The following ACACA variants were observed in gnomAD, a reference collection of about 807,000 sequenced individuals.
ACACA encodes the protein acetyl-CoA carboxylase 1.
Under a neutral mutation model 296.1 loss-of-function variants are expected in ACACA, and 103 were observed. The ratio of observed to expected loss-of-function variants is 0.35; its 90% CI spans 0.30 to 0.41. The LOEUF is 0.41. Among genes scored for constraint, ACACA ranks in the 10% least tolerant of loss-of-function variants. The probability of loss-of-function intolerance (pLI) is 1.00; values close to 1 mark genes in which losing one functional copy is unlikely to be tolerated. For missense variants in ACACA, 1,554 were observed against 2,989.7 expected, an observed-to-expected ratio of 0.52 and a Z score of 11.20; for synonymous variants, 953 against 1,038.6, an observed-to-expected ratio of 0.92 and a Z score of 1.58.
intron 45 of ACACA, among the ~76,000 whole-genome samples, chr17:37,136,267 T>C (rs1410750415): frequency 6.6e-6 from 1 of 152,124 alleles, no homozygotes; most frequent in East Asian, 1.9e-4. Context: ...GTTCCAGTAG[T>C]TTTGCCTTTT....
intron 14 of ACACA, among the ~76,000 whole-genome samples, chr17:37,257,053 G>A (rs1490664781): frequency 3.3e-5 from 5 of 152,024 alleles, no homozygotes; most frequent in African/African-American, 1.2e-4. Context: ...GCAAGCAAAA[G>A]TGCTGTTAAT....
intron 28 of ACACA, 101 bp downstream of exon 28, chr17:37,223,411 C>T: frequency 1.0e-6 from 1 of 967,956 alleles, no homozygotes; most frequent in Middle Eastern, 2.1e-4. Flanking sequence ...AAGAACCAAC[C>T]TTAAGGCCAG....
chr17:37,111,572 C>T lies in ACACA; in HGVS notation c.6524G>A (p.Arg2175His), dbSNP rs145087711. Residue 2175 changes from arginine (R) to histidine (H), a missense_variant, in exon 52 of 56, where the codon CGT becomes CAT. Physicochemically the swap from Arg to His is conservative, Grantham distance 29. This residue lies in a region of ACACA where 553 missense variants were observed against 1,043.6 expected (regional missense o/e 0.53). Coordinates refer to ENST00000616317, the MANE Select transcript of ACACA (RefSeq NM_198834.3). ...FRRKDLVKTM[R>H]RVDPVYIHLA... ...GTGGATGTAGACTGGGTCCACCCGA[C>T]GCATGGTTTTCACCAGATCCTTTCT... 18 of 1,614,024 alleles carry T rather than the reference C, an allele frequency of 1.1e-5. No homozygotes were observed. The highest frequency in any genetic ancestry group is 5.3e-5 in the African/African-American group (4 of 74,904).
At chr17:37,174,778 G>A (rs554985361) in intron 41 of ACACA, among the ~76,000 whole-genome samples, 28 of 152,060 alleles carry the variant, frequency 1.8e-4, no homozygotes, top group African/African-American at 6.0e-4. Flanking sequence ...TGATCTGCCC[G>A]CCTCAGCCTC....
intron 1 of ACACA, among the ~76,000 whole-genome samples, chr17:37,366,746 C>T (rs370969940): frequency 3.3e-4 from 50 of 151,798 alleles, no homozygotes; most frequent in Non-Finnish European, 1.3e-4. Flanking sequence ...GGATTACACA[C>T]GTGAGCCACT....
intron 35 of ACACA, among the ~76,000 whole-genome samples, chr17:37,194,265 ATC>A (rs2077890666): frequency 6.6e-6 from 1 of 152,190 alleles, no homozygotes. Context: ...TCAAACACTT[ATC>A]AGTACAAGGC....
intron 47 of ACACA, 42 bp downstream of exon 47, chr17:37,129,323 C>G (rs1298394497): frequency 1.2e-6 from 2 of 1,612,848 alleles, no homozygotes; most frequent in Non-Finnish European, 1.7e-6. Context: ...ACGCTAAAAG[C>G]TTAAGAGCCA....
rs537669447 is a variant in ACACA at position 37,296,318 on chromosome 17, T to C, written c.339-11348A>G. ...TTTGGAGCCTTTTTTTTTTTTTTTT[T>C]TTTTTGAGACAGAGTCTCGCTCTCT... On this transcript the variant is annotated intron_variant, in intron 3 of 55. Transcript: ENST00000616317. Among the ~76,000 whole-genome samples, 267 of 148,284 alleles carry C rather than the reference T, an allele frequency of 1.8e-3. 1 individual carries two copies. Among genetic ancestry groups the C allele is most frequent in the African/African-American group, 6.3e-3 (254 of 40,028 alleles).
Position 37,263,792 on chromosome 17 carries a change from T to A in ACACA, c.1222A>T (p.Ile408Phe). The A allele has an allele frequency of 6.2e-7, 1 of 1,614,040 alleles. No individual in the cohort carries two copies. The highest frequency in any genetic ancestry group is 8.5e-7 in the Non-Finnish European group (1 of 1,180,004). The change falls in exon 11 of 56, where the codon ATC becomes TTC. Residue 408 changes from isoleucine (I) to phenylalanine (F), a missense_variant. By Grantham distance (21) the Ile-to-Phe change is conservative. Transcript: ENST00000616317. ...GAGCAATCACGACCAAACAAAGAGA[T>A]AGCATTGCCATATTGGTCCGCTAAG... ...QILADQYGNA[I>F]SLFGRDCSVQ... is the part of the protein sequence containing the mutation.
At chr17:37,329,867 G>A (rs1448154652) in intron 3 of ACACA, among the ~76,000 whole-genome samples, 1 of 152,050 alleles carries the variant, frequency 6.6e-6, no homozygotes, top group Non-Finnish European at 1.5e-5. Context: ...CTTGAACCCA[G>A]GAGGCGGAGG....
At position 37,097,401 on chromosome 17, in the gene ACACA, C is replaced by T. The variant is rs565577538; in HGVS notation, c.6721-235G>A. Among the ~76,000 whole-genome samples, 19 of 152,336 alleles carry T rather than the reference C, an allele frequency of 1.2e-4. No homozygotes were observed. The highest frequency in any genetic ancestry group is 3.6e-4 in the African/African-American group (15 of 41,584). On this transcript the variant is annotated intron_variant, in intron 53 of 55. Transcript: ENST00000616317. The surrounding 1 kb of genome is among the most constrained non-coding windows in gnomAD (Gnocchi z 4.8). ...GGGCCTGGCTAATGCTGATCCCACA[C>T]ATGGCTGAGATGTTCTGGGGAAGAG...
At chr17:37,379,009 C>A in intron 1 of ACACA, 1 of 1,158,978 alleles carries the variant, frequency 8.6e-7, no homozygotes, top group Non-Finnish European at 1.2e-6. Context: ...GAGTTTGAGG[C>A]TGGAGTGAGC....
At chr17:37,319,536 T>C (rs143158006) in intron 3 of ACACA, among the ~76,000 whole-genome samples, 1 of 152,234 alleles carries the variant, frequency 6.6e-6, no homozygotes, top group East Asian at 1.9e-4. Context: ...AAAATATTTT[T>C]TCTAGGCTGG....
At chr17:37,216,108 A>G (rs1415812880) in intron 29 of ACACA, among the ~76,000 whole-genome samples, 1 of 145,098 alleles carries the variant, frequency 6.9e-6, no homozygotes, top group Non-Finnish European at 1.5e-5. Context: ...CTTTAATGCT[A>G]AGAAGGTAAA....
At chr17:37,220,421 G>C (rs2079229899) in intron 29 of ACACA, among the ~76,000 whole-genome samples, 1 of 152,186 alleles carries the variant, frequency 6.6e-6, no homozygotes, top group South Asian at 2.1e-4. Context: ...GAATTACAAA[G>C]AGCATTAAGT....
intron 2 of ACACA, among the ~76,000 whole-genome samples, chr17:37,337,654 T>C (rs1036145567): frequency 6.6e-6 from 1 of 151,904 alleles, no homozygotes; most frequent in African/African-American, 2.4e-5. Flanking sequence ...CATCTCCACA[T>C]GTTGCCCAGC....
chr17:37,165,471 G>A (rs927114790), intron 41 of ACACA, among the ~76,000 whole-genome samples: 10 of 152,094 alleles, frequency 6.6e-5, no homozygotes, highest in African/African-American at 2.4e-4. Context: ...CCATGGGTTT[G>A]ATAAACACAC....
intron 25 of ACACA, among the ~76,000 whole-genome samples, chr17:37,234,647 T>C (rs207476389): frequency 1.3e-5 from 2 of 152,126 alleles, no homozygotes; most frequent in Non-Finnish European, 2.9e-5. Flanking sequence ...ATATATTGGC[T>C]AAATAAGATG....
At chr17:37,377,391 G>T (rs1258508093) in intron 1 of ACACA, among the ~76,000 whole-genome samples, 1 of 152,074 alleles carries the variant, frequency 6.6e-6, no homozygotes. Flanking sequence ...GGGCGTGGTG[G>T]CTCACACCTG....
Sources: allele counts gnomAD v4.1 joint callset (sites outside exome capture counted in the v4.1 genomes callset), GRCh38; gene constraint gnomAD v4.1.1; regional missense constraint gnomAD v4.1.1; non-coding constraint Gnocchi (gnomAD v3.1); transcripts MANE v1.5; gene names NCBI Gene and HGNC (gene_info 2026-07-23, HGNC 2026-07-21).